ANKRD44: variants seen among roughly 807,000 people sequenced by gnomAD.
ANKRD44 encodes the protein ankyrin repeat domain 44.
ANKRD44 carries 35 observed loss-of-function variants against 116.0 expected under a neutral mutation model. The observed-to-expected ratio is 0.30, with a 90% CI of 0.23 to 0.40. The LOEUF is 0.40. Ranked by LOEUF, ANKRD44 falls within the 10% of genes least tolerant of loss-of-function variation. The probability of loss-of-function intolerance (pLI) is 1.00; values close to 1 mark genes in which losing one functional copy is unlikely to be tolerated. For missense variants in ANKRD44, 1,014 were observed against 1,242.6 expected (o/e 0.82, Z 2.77); for synonymous variants, 435 against 461.8 (o/e 0.94, Z 0.74).
intron 16 of ANKRD44, among the ~76,000 whole-genome samples, chr2:197,065,631 C>A (rs1292940015): frequency 1.3e-5 from 2 of 152,058 alleles, no homozygotes; most frequent in Non-Finnish European, 2.9e-5. Flanking sequence ...ACCACCAATC[C>A]CACAGAAATA....
At chr2:197,240,916 A>G (rs1292101493) in intron 1 of ANKRD44, among the ~76,000 whole-genome samples, 1 of 151,690 alleles carries the variant, frequency 6.6e-6, no homozygotes, top group Non-Finnish European at 1.5e-5. Context: ...AGGCCTCTCC[A>G]TCAGCTTTCC....
intron 16 of ANKRD44, among the ~76,000 whole-genome samples, chr2:197,075,263 A>G (rs1350613016): frequency 6.6e-6 from 1 of 152,224 alleles, no homozygotes; most frequent in Non-Finnish European, 1.5e-5. Context: ...AAAAATATAA[A>G]ATAAACCAAT....
intron 8 of ANKRD44, among the ~76,000 whole-genome samples, chr2:197,117,877 T>C (rs1280481889): frequency 6.6e-6 from 1 of 152,202 alleles, no homozygotes; most frequent in Non-Finnish European, 1.5e-5. Flanking sequence ...TTTTCTTTTT[T>C]TCAAAAGTGA....
At chr2:197,130,904 A>G (rs1390228443) in intron 4 of ANKRD44, among the ~76,000 whole-genome samples, 1 of 152,244 alleles carries the variant, frequency 6.6e-6, no homozygotes, top group Non-Finnish European at 1.5e-5. Flanking sequence ...CTGTCTGCAC[A>G]GAAGCCAAAA....
chr2:197,197,583 G>A (rs1383811240), intron 1 of ANKRD44, among the ~76,000 whole-genome samples: 1 of 152,144 alleles, frequency 6.6e-6, no homozygotes, highest in African/African-American at 2.4e-5. Context: ...GACCAAGGCA[G>A]GCGGATCACT....
intron 7 of ANKRD44, 74 bp from the exon 8 acceptor site, chr2:197,121,618 CG>C (rs1559080695): frequency 1.5e-6 from 2 of 1,296,366 alleles, no homozygotes; most frequent in Admixed American, 3.9e-5. Flanking sequence ...AAAAGCATAA[CG>C]GCTGTGGCTA....
In ANKRD44 at chr2:196,995,594, G is replaced by A. The variant is rs1419090964; in HGVS notation, c.2749-133C>T. 3 of 624,990 alleles carry A rather than the reference G, an allele frequency of 4.8e-6. No individual in the cohort carries two copies. The Admixed American group carries it at 9.6e-5, about 20-fold the overall frequency. The allele number at this position is 624,990 out of a possible 1,614,324, so 38.7% of individuals were successfully genotyped here. ...AACATTCTATAGGGCTATTTTCTGA[G>A]TAATTTTTTTTCTTCTCAACAACAA... On this transcript the variant is annotated intron_variant, in intron 25 of 27. Coordinates refer to ENST00000282272, the MANE Select transcript of ANKRD44 (RefSeq NM_001195144.2).
chr2:197,054,135 T>C (rs1340565346), intron 16 of ANKRD44, among the ~76,000 whole-genome samples: 1 of 152,222 alleles, frequency 6.6e-6, no homozygotes, highest in Non-Finnish European at 1.5e-5. Context: ...TATAATTACA[T>C]TTATGCTCAA....
chr2:197,310,700 A>G lies in ANKRD44; in HGVS notation c.-96T>C. 1 of 1,221,928 alleles carries G rather than the reference A, an allele frequency of 8.2e-7. No individual in the cohort carries two copies. Among genetic ancestry groups the G allele is most frequent in the Non-Finnish European group, 1.1e-6 (1 of 951,698 alleles). 75.7% of individuals were successfully genotyped at this position (1,221,928 alleles called of 1,614,324 possible). On this transcript the variant is annotated 5_prime_UTR_variant, in exon 1 of 28. Transcript: ENST00000282272. ...GCGGAAGGGATTGCCAGGAGAAGGG[A>G]AAAAATCTGGCTCCCGAATTTGACA...
intron 3 of ANKRD44, among the ~76,000 whole-genome samples, chr2:197,143,728 C>T (rs982919527): frequency 3.3e-5 from 5 of 152,120 alleles, no homozygotes; most frequent in Non-Finnish European, 7.3e-5. Flanking sequence ...CTCCCAGGCT[C>T]AAGTGATTCT....
chr2:197,132,644 C>G (rs1559089973), intron 4 of ANKRD44, among the ~76,000 whole-genome samples: 2 of 152,052 alleles, frequency 1.3e-5, no homozygotes, highest in African/African-American at 4.8e-5. Context: ...TGTACACATT[C>G]CCATAAACAT....
At chr2:197,128,831 G>A (rs2079034783) in intron 4 of ANKRD44, among the ~76,000 whole-genome samples, 1 of 152,054 alleles carries the variant, frequency 6.6e-6, no homozygotes, top group South Asian at 2.1e-4. Context: ...TTTTCAAACT[G>A]TCTGTGGTAA....
At chr2:197,031,584 A>G (rs1056581753) in intron 16 of ANKRD44, among the ~76,000 whole-genome samples, 5 of 152,230 alleles carry the variant, frequency 3.3e-5, no homozygotes, top group African/African-American at 1.2e-4. Context: ...ATCTAATTTA[A>G]TAATGTCCAC....
At chr2:197,167,464 G>C (rs2080125140) in intron 2 of ANKRD44, among the ~76,000 whole-genome samples, 1 of 152,120 alleles carries the variant, frequency 6.6e-6, no homozygotes, top group African/African-American at 2.4e-5. Flanking sequence ...TCTTATCTAA[G>C]AGCTAGACCA....
intron 16 of ANKRD44, 116 bp downstream of exon 16, chr2:197,078,587 G>C: frequency 6.5e-7 from 1 of 1,532,016 alleles, no homozygotes; most frequent in Non-Finnish European, 8.8e-7. Flanking sequence ...CCTGATTCAT[G>C]GACCCACTTT....
At chr2:196,995,611 C>A in intron 25 of ANKRD44, 150 bp from the exon 26 acceptor site, 1 of 582,022 alleles carries the variant, frequency 1.7e-6, no homozygotes, top group Non-Finnish European at 3.0e-6. Flanking sequence ...TTTTTCTTCT[C>A]AACAACAAAT....
intron 4 of ANKRD44, among the ~76,000 whole-genome samples, chr2:197,133,201 A>G (rs1035341959): frequency 1.3e-5 from 2 of 152,180 alleles, no homozygotes; most frequent in African/African-American, 4.8e-5. Context: ...CAGTTTCTCC[A>G]ATTCTTGGGC....
chr2:197,007,833 G>A lies in ANKRD44; in HGVS notation c.2103C>T (p.Ile701=). Residue 701 remains isoleucine (I), a synonymous_variant, in exon 20 of 28, where the codon ATC becomes ATT. Coordinates refer to ENST00000282272, the MANE Select transcript of ANKRD44 (RefSeq NM_001195144.2). The stretch of plus-strand genomic sequence containing the variant: ...CTCTGTGTAAAGCTGTGCATCCTAG[G>A]ATGTCAACAGTGTCTACGTTGGCTT... ...EKEANVDTVD[I]LGCTALHRGI... 6.2e-7 allele frequency: 1 copy of A among 1,613,600 alleles called. No individual in the cohort carries two copies. The highest frequency in any genetic ancestry group is 8.5e-7 in the Non-Finnish European group (1 of 1,179,610).
rs1450387345 is a variant in ANKRD44 at position 196,989,740 on chromosome 2, C to A, written c.2924-91G>T. The A allele has an allele frequency of 1.4e-5, 21 of 1,523,566 alleles. No homozygotes were observed. The East Asian group carries it at 5.2e-4, about 38-fold the overall frequency. 94.4% of individuals were successfully genotyped at this position (1,523,566 alleles called of 1,614,324 possible). A position where few individuals can be genotyped will look rare whatever the true frequency, so the allele number is the denominator to read the frequency against. On this transcript the variant is annotated intron_variant, in intron 27 of 27. Coordinates refer to ENST00000282272, the MANE Select transcript of ANKRD44 (RefSeq NM_001195144.2). ...GTTTTACATGCTAAATCACCCATTT[C>A]TACTTTCTGCTTTCACTTTTTTTGT...
Sources: gnomAD v4.1 joint callset for allele counts (sites outside exome capture counted in the v4.1 genomes callset) on GRCh38, gnomAD v4.1.1 for gene constraint, MANE v1.5 for transcripts, NCBI Gene and HGNC (gene_info 2026-07-23, HGNC 2026-07-21) for gene names.